DENND6A: variants seen among roughly 807,000 people sequenced by gnomAD.
DENND6A encodes protein DENND6A.
DENND6A carries 43 observed loss-of-function variants against 95.5 expected under a neutral mutation model. The ratio of observed to expected loss-of-function variants is 0.45; its 90% CI spans 0.35 to 0.58. The LOEUF (loss-of-function observed/expected upper bound fraction) is 0.58, where lower values mean the gene tolerates loss of function less well. Ranked by LOEUF, DENND6A falls within the 20% of genes least tolerant of loss-of-function variation. The pLI is 0.00. For missense variants in DENND6A, 574 were observed against 736.0 expected, an observed-to-expected ratio of 0.78 and a Z score of 2.55; for synonymous variants, 257 against 260.4, an observed-to-expected ratio of 0.99 and a Z score of 0.13.
intron 9 of DENND6A, among the ~76,000 whole-genome samples, chr3:57,654,007 G>GCA (rs1266618996): frequency 1.4e-5 from 2 of 138,366 alleles, no homozygotes; most frequent in African/African-American, 2.8e-5. Flanking sequence ...GAGTGCAGTG[G>GCA]CACGATCTCA....
chr3:57,691,733 A>G (rs1413972445), intron 1 of DENND6A, among the ~76,000 whole-genome samples: 1 of 151,462 alleles, frequency 6.6e-6, no homozygotes, highest in Non-Finnish European at 1.5e-5. Context: ...TTCTGATAAC[A>G]ATTTCCTTGG....
At chr3:57,646,962 A>AT (rs1393326080) in intron 9 of DENND6A, among the ~76,000 whole-genome samples, 3 of 152,166 alleles carry the variant, frequency 2.0e-5, no homozygotes, top group Non-Finnish European at 4.4e-5. Context: ...AGTGCTGAGT[A>AT]TTTTTACAGC....
At chr3:57,628,614 G>A (rs1018439799) in intron 19 of DENND6A, among the ~76,000 whole-genome samples, 197 bp downstream of exon 19, 5 of 152,124 alleles carry the variant, frequency 3.3e-5, no homozygotes, top group African/African-American at 1.2e-4. Flanking sequence ...TATACATAAC[G>A]TTAGAATAAT....
intron 9 of DENND6A, among the ~76,000 whole-genome samples, chr3:57,655,270 T>C (rs1169148816): frequency 6.6e-6 from 1 of 152,158 alleles, no homozygotes; most frequent in Non-Finnish European, 1.5e-5. Flanking sequence ...CCTGACCTCA[T>C]GATCCGCCCG....
chr3:57,633,913 C>T (rs1164370040), intron 14 of DENND6A, among the ~76,000 whole-genome samples: 1 of 151,616 alleles, frequency 6.6e-6, no homozygotes. Context: ...AGTGAGTTCA[C>T]TATAAAGACA....
At chr3:57,653,565 T>C (rs1375682510) in intron 9 of DENND6A, among the ~76,000 whole-genome samples, 1 of 151,456 alleles carries the variant, frequency 6.6e-6, no homozygotes, top group Non-Finnish European at 1.5e-5. Context: ...CTAACAACGG[T>C]GAAACCCCGT....
intron 5 of DENND6A, among the ~76,000 whole-genome samples, chr3:57,662,821 T>C (rs1048527305): frequency 9.9e-5 from 15 of 151,588 alleles, no homozygotes; most frequent in Non-Finnish European, 1.9e-4. Flanking sequence ...AAAAAAAAGA[T>C]AAAATATAAA....
At chr3:57,667,660 T>C (rs2071545509) in intron 3 of DENND6A, among the ~76,000 whole-genome samples, 2 of 152,190 alleles carry the variant, frequency 1.3e-5, no homozygotes, top group African/African-American at 4.8e-5. Context: ...ATTTATTCCA[T>C]AGACTGACGC....
rs1370083318 is a variant in DENND6A, at chr3:57,645,814, A to G, written c.942-58T>C. The stretch of plus-strand genomic sequence containing the variant: ...ACACAGAAATTAAAGGTCCTAATCT[A>G]TAACTAGAAAACATCTATACAAACG... On this transcript the variant is annotated intron_variant, in intron 10 of 19. Coordinates refer to ENST00000311128, the MANE Select transcript of DENND6A (RefSeq NM_152678.3). The G allele has an allele frequency of 3.9e-6, 5 of 1,286,874 alleles. No individual in the cohort carries two copies. In the Admixed American group the frequency reaches 7.6e-5, roughly 20 times the overall value. The allele number at this position is 1,286,874 out of a possible 1,614,324, so 79.7% of individuals were successfully genotyped here.
chr3:57,682,281 CAAAAAAA>C (rs10618015), intron 1 of DENND6A, among the ~76,000 whole-genome samples: 39 of 53,564 alleles, frequency 7.3e-4, no homozygotes, highest in African/African-American at 2.5e-3. Flanking sequence ...GACTCCGTCT[CAAAAAAA>C]AAAAAAAAAA....
intron 18 of DENND6A, 127 bp from the exon 19 acceptor site, chr3:57,629,012 T>C (rs1282201331): frequency 1.6e-6 from 1 of 640,804 alleles, no homozygotes; most frequent in Admixed American, 3.5e-5. Context: ...TTAACCCAGA[T>C]ATAGCATTAT....
chr3:57,674,755 T>C (rs979250791), intron 1 of DENND6A, among the ~76,000 whole-genome samples: 1 of 152,148 alleles, frequency 6.6e-6, no homozygotes, highest in Admixed American at 6.5e-5. Flanking sequence ...ATAAAGAAAA[T>C]GTGGTACATA....
intron 1 of DENND6A, among the ~76,000 whole-genome samples, chr3:57,676,474 A>G (rs191261557): frequency 6.6e-6 from 1 of 151,980 alleles, no homozygotes; most frequent in Non-Finnish European, 1.5e-5. Flanking sequence ...CCTTGTTTCC[A>G]AAAGCATGGC....
intron 11 of DENND6A, among the ~76,000 whole-genome samples, chr3:57,643,974 C>A (rs1243273717): frequency 6.6e-6 from 1 of 151,416 alleles, no homozygotes; most frequent in African/African-American, 2.4e-5. Context: ...TATAGTGAAA[C>A]CCTGTCTCTA....
intron 3 of DENND6A, among the ~76,000 whole-genome samples, chr3:57,671,782 C>A (rs527255947): frequency 6.6e-6 from 1 of 152,190 alleles, no homozygotes; most frequent in Admixed American, 6.5e-5. Context: ...TTTTTCTATA[C>A]ACCAAGCACT....
At chr3:57,687,211 A>G (rs992605738) in intron 1 of DENND6A, among the ~76,000 whole-genome samples, 1 of 152,196 alleles carries the variant, frequency 6.6e-6, no homozygotes. Flanking sequence ...GAACACATCA[A>G]TGATAAGAAA....
chr3:57,691,669 C>CAAAAAAAAAAAAAAA (rs71091304), intron 1 of DENND6A, among the ~76,000 whole-genome samples: 1 of 93,596 alleles, frequency 1.1e-5, no homozygotes, highest in Non-Finnish European at 2.0e-5. Context: ...TCACCAATAC[C>CAAAAAAAAAAAAAAA]AAAAAAAAAA....
At chr3:57,683,995 A>C (rs562555799) in intron 1 of DENND6A, among the ~76,000 whole-genome samples, 1 of 152,120 alleles carries the variant, frequency 6.6e-6, no homozygotes, top group African/African-American at 2.4e-5. Flanking sequence ...TCTACTAAAA[A>C]TACAAAAATT....
Position 57,692,952 on chromosome 3 carries a change from CT to C in DENND6A, c.66del (p.Ala24ProfsTer57). On this transcript the variant is annotated frameshift_variant, in exon 1 of 20. Transcript: ENST00000311128. LOFTEE classifies it high-confidence loss of function. The part of the protein sequence containing the change: ...GSRRPLDEAV[A>X]GAEGREAPAL... ...GCCGGCGCCTCGCGGCCCTCGGCCC[CT>C]GCCACCGCTTCGTCCAACGGCCTTC... 1 of 1,548,606 alleles carries C rather than the reference CT, an allele frequency of 6.5e-7. No individual in the cohort carries two copies. Among genetic ancestry groups the C allele is most frequent in the Non-Finnish European group, 8.7e-7 (1 of 1,154,920 alleles).
Sources: gnomAD v4.1 joint callset for allele counts (sites outside exome capture counted in the v4.1 genomes callset) on GRCh38, gnomAD v4.1.1 for gene constraint, MANE v1.5 for transcripts, NCBI Gene and HGNC (gene_info 2026-07-23, HGNC 2026-07-21) for gene names.